The following PDE1A variants were observed in gnomAD, a reference collection of about 807,000 sequenced individuals.
PDE1A encodes dual specificity calcium/calmodulin-dependent 3',5'-cyclic nucleotide phosphodiesterase 1A.
A neutral mutation model predicts 61.7 loss-of-function variants in PDE1A; 35 were observed. The ratio of observed to expected loss-of-function variants is 0.57; its 90% CI spans 0.43 to 0.75. The LOEUF is 0.75. Ranked by LOEUF, PDE1A falls within the 30% of genes least tolerant of loss-of-function variation. PDE1A has a pLI of 0.00. For synonymous variants in PDE1A, 232 were observed against 213.2 expected (o/e 1.09, Z -0.77); for missense variants, 597 against 630.6 (o/e 0.95, Z 0.57).
At chr2:182,626,040 A>G in the PDE1A span, among the ~76,000 whole-genome samples, 1 of 152,196 alleles carries the variant, frequency 6.6e-6, no homozygotes, top group African/African-American at 2.4e-5. Flanking sequence ...CAAAGCAGGA[A>G]CAGGTAAGCT....
intron 1 of PDE1A, among the ~76,000 whole-genome samples, chr2:182,266,472 G>A (rs1692640985): frequency 6.6e-6 from 1 of 152,148 alleles, no homozygotes; most frequent in Non-Finnish European, 1.5e-5. Context: ...ACTATCATAT[G>A]TCTTTCTTGT....
chr2:182,694,599 T>G, the PDE1A span, among the ~76,000 whole-genome samples: 1 of 152,168 alleles, frequency 6.6e-6, no homozygotes. Flanking sequence ...GGTCTTTACT[T>G]AGAGTTGGAA....
the PDE1A span, among the ~76,000 whole-genome samples, chr2:182,577,207 C>T: frequency 6.6e-6 from 1 of 152,150 alleles, no homozygotes; most frequent in Non-Finnish European, 1.5e-5. Flanking sequence ...ATTAACTTGG[C>T]CAAGTCTACA....
chr2:182,351,311 A>G (rs755741780), intron 1 of PDE1A, among the ~76,000 whole-genome samples: 6 of 152,170 alleles, frequency 3.9e-5, no homozygotes, highest in Non-Finnish European at 8.8e-5. Flanking sequence ...AAATGCTTAC[A>G]CCTTCTGGTA....
the PDE1A span, among the ~76,000 whole-genome samples, chr2:182,686,033 G>A: frequency 6.6e-6 from 1 of 152,110 alleles, no homozygotes; most frequent in African/African-American, 2.4e-5. Flanking sequence ...TTAACAGCCT[G>A]CTCTTCCAGA....
At chr2:182,636,202 C>T in the PDE1A span, among the ~76,000 whole-genome samples, 1 of 152,022 alleles carries the variant, frequency 6.6e-6, no homozygotes, top group Non-Finnish European at 1.5e-5. Flanking sequence ...TCGTGATCTA[C>T]CCGCCTCAGC....
chr2:182,333,763 A>G (rs1697587030), intron 1 of PDE1A, among the ~76,000 whole-genome samples: 1 of 152,140 alleles, frequency 6.6e-6, no homozygotes, highest in Non-Finnish European at 1.5e-5. Flanking sequence ...GACACGAAAA[A>G]CCCTTCAAAA....
chr2:182,145,593 G>T (rs1023705024), downstream of PDE1A, among the ~76,000 whole-genome samples: 76 of 152,074 alleles, frequency 5.0e-4, no homozygotes, highest in Non-Finnish European at 7.4e-5. Flanking sequence ...GCCAGGCTTG[G>T]GGGTGGGTGC....
At chr2:182,411,552 G>C (rs530989842) in intron 1 of PDE1A, among the ~76,000 whole-genome samples, 1 of 152,110 alleles carries the variant, frequency 6.6e-6, no homozygotes, top group African/African-American at 2.4e-5. Context: ...TTCACCTTTA[G>C]TAGATACTAC....
At chr2:182,297,863 G>C (rs1694989172) in intron 1 of PDE1A, among the ~76,000 whole-genome samples, 2 of 152,262 alleles carry the variant, frequency 1.3e-5, no homozygotes, top group Non-Finnish European at 2.9e-5. Flanking sequence ...GTTTCCTAGA[G>C]TTCCCCAGCA....
intron 9 of PDE1A, 23 bp downstream of exon 9, chr2:182,201,665 A>AAC: frequency 6.7e-7 from 1 of 1,487,246 alleles, no homozygotes; most frequent in African/African-American, 1.5e-5. Context: ...AAAAAAAAAC[A>AAC]ACAAAAAAAA....
chr2:182,635,084 C>T, the PDE1A span, among the ~76,000 whole-genome samples: 71 of 149,154 alleles, frequency 4.8e-4, no homozygotes, highest in African/African-American at 1.7e-3. Flanking sequence ...TCATACTCTG[C>T]GGGAAAAGGG....
the PDE1A span, among the ~76,000 whole-genome samples, chr2:182,542,492 GAATAT>G: frequency 3.9e-5 from 6 of 152,216 alleles, no homozygotes; most frequent in East Asian, 1.2e-3. Flanking sequence ...TAAATTTAAT[GAATAT>G]ATTAAATTAC....
At chr2:182,697,520 T>C in the PDE1A span, among the ~76,000 whole-genome samples, 1 of 152,144 alleles carries the variant, frequency 6.6e-6, no homozygotes, top group African/African-American at 2.4e-5. Context: ...CCTGATTGGA[T>C]TTACAGAGAG....
chr2:182,147,227 G>A, intron 13 of PDE1A, 75 bp from the exon 14 acceptor site: 2 of 763,456 alleles, frequency 2.6e-6, no homozygotes, highest in South Asian at 3.6e-5. Flanking sequence ...TTAGGAGACT[G>A]AAGAACTTTA....
the PDE1A span, among the ~76,000 whole-genome samples, chr2:182,593,168 G>A: frequency 6.6e-6 from 1 of 152,164 alleles, no homozygotes; most frequent in Non-Finnish European, 1.5e-5. Flanking sequence ...CATAGAAGGT[G>A]TTATCTACCC....
At chr2:182,334,761 G>C (rs1051935444) in intron 1 of PDE1A, among the ~76,000 whole-genome samples, 1 of 152,166 alleles carries the variant, frequency 6.6e-6, no homozygotes, top group Non-Finnish European at 1.5e-5. Context: ...ACATAGTTTT[G>C]GAAGTTCTGG....
the PDE1A span, among the ~76,000 whole-genome samples, chr2:182,539,734 G>T: frequency 1.3e-5 from 2 of 152,294 alleles, no homozygotes; most frequent in South Asian, 4.1e-4. Flanking sequence ...AGTATGAATA[G>T]CCTAACTGTA....
chr2:182,205,299 A>AACCC (rs552186728), intron 8 of PDE1A, among the ~76,000 whole-genome samples: 136 of 152,290 alleles, frequency 8.9e-4, no homozygotes, highest in African/African-American at 3.2e-3. Context: ...GAAGTCCAGC[A>AACCC]ACCCTATTGT....
Sources: gnomAD v4.1 joint callset for allele counts (sites outside exome capture counted in the v4.1 genomes callset) on GRCh38, gnomAD v4.1.1 for gene constraint, MANE v1.5 for transcripts, NCBI Gene and HGNC (gene_info 2026-07-23, HGNC 2026-07-21) for gene names.